The following PDXDC1 variants were observed in gnomAD, a reference collection of about 807,000 sequenced individuals.
PDXDC1 encodes the protein pyridoxal-dependent decarboxylase domain-containing protein 1.
A neutral mutation model predicts 100.1 loss-of-function variants in PDXDC1; 42 were observed. The observed-to-expected ratio is 0.42, with a 90% CI of 0.33 to 0.54. The LOEUF (loss-of-function observed/expected upper bound fraction) is 0.54. Ranked by LOEUF, PDXDC1 falls within the 20% of genes least tolerant of loss-of-function variation. The pLI, the probability that PDXDC1 is intolerant of heterozygous loss-of-function variation, is 0.10. For missense variants in PDXDC1, 636 were observed against 979.2 expected, an observed-to-expected ratio of 0.65 and a Z score of 4.68; for synonymous variants, 260 against 371.7, an observed-to-expected ratio of 0.70 and a Z score of 3.46.
rs763935663 is a variant in PDXDC1 at position 15,034,364 on chromosome 16, C to T, written c.1891C>T (p.Arg631Trp). Residue 631 changes from arginine to tryptophan, a missense_variant, in exon 20 of 23, where the codon CGG becomes TGG. Arg to Trp is a moderately radical substitution (Grantham distance 101). Coordinates refer to ENST00000396410, the MANE Select transcript of PDXDC1 (RefSeq NM_015027.4). Reference sequence around the variant, plus strand: ...GGAGCTGCAGAAGGCAAGTGAAGAACGGCTTCTGGAAGAGGTGAGGCCCCC... The same window carrying T: ...GGAGCTGCAGAAGGCAAGTGAAGAATGGCTTCTGGAAGAGGTGAGGCCCCC... The part of the protein sequence containing the change: ...QVELQKASEE[R>W]LLEEGVLRQI... 52 of 1,613,356 alleles carry T rather than the reference C, an allele frequency of 3.2e-5. No homozygotes were observed. The highest frequency in any genetic ancestry group is 3.9e-5 in the Non-Finnish European group (46 of 1,179,970).
chr16:15,011,477 T>G (rs1348097812), intron 8 of PDXDC1, among the ~76,000 whole-genome samples: 14 of 152,284 alleles, frequency 9.2e-5, no homozygotes, highest in Non-Finnish European at 1.8e-4. Flanking sequence ...CAGGAGATCT[T>G]TGTGACCTTA....
At chr16:15,099,109 G>C (rs1210184910) in intron 16 of PDXDC1, among the ~76,000 whole-genome samples, 2 of 151,900 alleles carry the variant, frequency 1.3e-5, no homozygotes, top group Non-Finnish European at 2.9e-5. Context: ...AAGATTTAAA[G>C]GAAACTCTGA....
chr16:15,086,533 A>T, intron 16 of PDXDC1: 2 of 1,581,494 alleles, frequency 1.3e-6, no homozygotes, highest in South Asian at 1.2e-5. Context: ...TATATCAATC[A>T]TTTATCAAGA....
chr16:15,083,663 G>C (rs2045795557), intron 16 of PDXDC1: 2 of 1,568,452 alleles, frequency 1.3e-6, no homozygotes, highest in Middle Eastern at 2.3e-4. Flanking sequence ...CATTCTAAAA[G>C]CAAATATTGA....
At chr16:15,122,912 G>A (rs1006471950) in intron 16 of PDXDC1, among the ~76,000 whole-genome samples, 1 of 148,432 alleles carries the variant, frequency 6.7e-6, no homozygotes, top group Non-Finnish European at 1.5e-5. Context: ...TGGAGGAGGT[G>A]GAGGAGGAGG....
At chr16:15,001,649 C>T (rs569090000) in intron 3 of PDXDC1, 127 bp from the exon 4 acceptor site, 52 of 671,016 alleles carry the variant, frequency 7.7e-5, no homozygotes, top group Non-Finnish European at 1.1e-4. Context: ...CACGTTCTTT[C>T]TCTTATAGTT....
At chr16:15,047,576 A>G in intron 16 of PDXDC1, 1 of 1,521,306 alleles carries the variant, frequency 6.6e-7, no homozygotes, top group Non-Finnish European at 9.1e-7. Flanking sequence ...GAAAGGACTC[A>G]AGTTATTCCC....
chr16:14,980,694 C>G (rs1431836592), intron 1 of PDXDC1, among the ~76,000 whole-genome samples: 1 of 152,270 alleles, frequency 6.6e-6, no homozygotes, highest in African/African-American at 2.4e-5. Flanking sequence ...CCAGGATGGT[C>G]TCGATCTCCT....
chr16:15,078,872 C>T (rs1180702488), intron 16 of PDXDC1, among the ~76,000 whole-genome samples: 8 of 148,346 alleles, frequency 5.4e-5, no homozygotes, highest in African/African-American at 1.3e-4. Context: ...AGCGGAGTGG[C>T]GCAATCTCGG....
chr16:15,033,543 G>C (rs2043196778), intron 19 of PDXDC1, 144 bp downstream of exon 19: 5 of 960,498 alleles, frequency 5.2e-6, no homozygotes, highest in Non-Finnish European at 4.7e-6. Flanking sequence ...TGGGCCTTGT[G>C]CCAGGTGTCA....
At chr16:15,031,339 G>A (rs1043142694) in intron 16 of PDXDC1, among the ~76,000 whole-genome samples, 20 of 152,060 alleles carry the variant, frequency 1.3e-4, no homozygotes, top group Non-Finnish European at 4.4e-5. Flanking sequence ...TCCTTCCTGT[G>A]TGGGGACAGC....
intron 16 of PDXDC1, among the ~76,000 whole-genome samples, chr16:15,077,816 G>A (rs1597941218): frequency 6.6e-6 from 1 of 152,204 alleles, no homozygotes; most frequent in Non-Finnish European, 1.5e-5. Flanking sequence ...ACTCCAGCCT[G>A]GGCAAGAAGC....
In PDXDC1 at chr16:15,036,271, GATGAGACTCATTGTGTGGT is replaced by G; in HGVS notation, c.2364_*15del. 6.2e-7 allele frequency: 1 copy of G among 1,613,406 alleles called. No individual in the cohort carries two copies. The highest frequency in any genetic ancestry group is 8.5e-7 in the Non-Finnish European group (1 of 1,179,564). On this transcript the variant is annotated stop_retained_variant and 3_prime_UTR_variant, in exon 23 of 23. Coordinates refer to ENST00000396410, the MANE Select transcript of PDXDC1 (RefSeq NM_015027.4). ...CAGGTAGAAGGACCGGAGAGCTTAA[GATGAGACTCATTGTGTGGT>G]TTGAGACTGTACTGAGTATTGTTTC...
chr16:15,126,806 G>C, intron 16 of PDXDC1: 1 of 163,238 alleles, frequency 6.1e-6, no homozygotes, highest in South Asian at 1.5e-4. Context: ...ACAGGCGCCC[G>C]CCACCATGCC....
At chr16:15,012,257 C>T (rs1244503591) in intron 8 of PDXDC1, among the ~76,000 whole-genome samples, 13 of 147,270 alleles carry the variant, frequency 8.8e-5, no homozygotes, top group Admixed American at 2.8e-4. Flanking sequence ...GCATGTGCCA[C>T]CACACCTAGC....
Position 15,086,246 on chromosome 16 carries a change from A to G in PDXDC1, c.1400-52633A>G, listed in dbSNP as rs1405922580. ...TCCACTACTGTTTGACTTCTATTCA[A>G]CCAAGGCAATCTCTAGAGTGGGGGA... On this transcript the variant is annotated intron_variant, in intron 16 of 16. Coordinates refer to the PDXDC1 transcript ENST00000535621. 5 of 1,581,906 alleles carry G rather than the reference A, an allele frequency of 3.2e-6. No homozygotes were observed. The African/African-American group carries it at 6.8e-5, about 22-fold the overall frequency.
At chr16:15,083,842 A>G in intron 16 of PDXDC1, 1 of 354,420 alleles carries the variant, frequency 2.8e-6, no homozygotes, top group Non-Finnish European at 5.3e-6. Context: ...TCAACCTCCC[A>G]AACAGCTGGG....
At chr16:15,032,069 A>G in intron 17 of PDXDC1, 163 bp downstream of exon 17, 1 of 659,310 alleles carries the variant, frequency 1.5e-6, no homozygotes, top group East Asian at 2.7e-5. Context: ...AGCACAGTGC[A>G]AGCAGGCAAT....
chr16:15,148,435 G>A, the PDXDC1 span, among the ~76,000 whole-genome samples: 1 of 132,334 alleles, frequency 7.6e-6, no homozygotes, highest in Non-Finnish European at 1.6e-5. Flanking sequence ...CCAGCCTGGA[G>A]TGCAGTGGTG....
Sources: allele counts gnomAD v4.1 joint callset (sites outside exome capture counted in the v4.1 genomes callset), GRCh38; gene constraint gnomAD v4.1.1; transcripts MANE v1.5; gene names NCBI Gene and HGNC (gene_info 2026-07-23, HGNC 2026-07-21).